Variants in ZMYM3 observed in about 807,000 individuals in gnomAD.
ZMYM3 encodes zinc finger MYM-type containing 3, also known as zinc finger MYM-type protein 3.
In ZMYM3, 6 loss-of-function variants were observed where a neutral mutation model predicts 94.2. The observed-to-expected ratio is 0.06, with a 90% CI of 0.03 to 0.13. The LOEUF is 0.13. Among genes scored for constraint, ZMYM3 ranks in the 10% least tolerant of loss-of-function variants. The pLI is 1.00. For synonymous variants in ZMYM3, 420 were observed against 426.5 expected, an observed-to-expected ratio of 0.98 and a Z score of 0.19; for missense variants, 664 against 1,132.6, an observed-to-expected ratio of 0.59 and a Z score of 5.94.
At chrX:71,254,749 G>A (rs953897484), upstream of ZMYM3, 5 of 111,597 alleles carry the variant, frequency 4.5e-5, no homozygotes, top group Non-Finnish European at 7.5e-5. Flanking sequence ...GGGGTAGTGA[G>A]TGACAGCGGA....
At chrX:71,245,127 T>TAAAAAAA (rs5902685) in intron 18 of ZMYM3, among the ~76,000 whole-genome samples, 304 of 42,016 alleles carry the variant, frequency 7.2e-3, no homozygotes, top group Middle Eastern at 0.021. Flanking sequence ...GCTTAAAAAT[T>TAAAAAAA]AAAAAAAAAA....
chrX:71,247,599 T>G, intron 12 of ZMYM3, 89 bp from the exon 13 acceptor site: 1 of 1,146,016 alleles, frequency 8.7e-7, no homozygotes, highest in East Asian at 3.1e-5. Flanking sequence ...CTCCTCCCCT[T>G]GGAGATCGGG....
At position 71,248,862 on chromosome X, in the gene ZMYM3, A is replaced by C. The variant is rs557815082; in HGVS notation, c.1622-61T>G. On this transcript the variant is annotated intron_variant, in intron 8 of 24. Transcript: ENST00000314425. ...AAAGAGAGAGGGAGAGAGAGAGCAC[A>C]CAGAAGGTGTAAGGCAGTGTAAGAG... 5.4e-6 allele frequency: 6 copies of C among 1,102,015 alleles called. No individual in the cohort carries two copies. In the South Asian group the frequency reaches 1.0e-4, roughly 19 times the overall value. The allele number at this position is 1,102,015 out of a possible 1,213,427, so 90.8% of individuals were successfully genotyped here.
chrX:71,249,098 C>T lies in ZMYM3; in HGVS notation c.1542G>A (p.Val514=). ...LCKNFEMLSH[V]DRNGKTSLFC... is the part of the protein sequence containing the mutation. ...ACAAGCTGGTCTTGCCATTACGATC[C>T]ACATGTGATAGCATCTCAAAGTTCT... The change falls in exon 8 of 25, where the codon GTG becomes GTA. Residue 514 remains valine (V), a synonymous_variant. Coordinates refer to ENST00000314425, the MANE Select transcript of ZMYM3 (RefSeq NM_201599.3). The T allele has an allele frequency of 8.3e-7, 1 of 1,211,772 alleles. No individual in the cohort carries two copies. The highest frequency in any genetic ancestry group is 1.1e-6 in the Non-Finnish European group (1 of 895,518).
At chrX:71,253,443 C>A in intron 1 of ZMYM3, among the ~76,000 whole-genome samples, 169 bp from the exon 2 acceptor site, 1 of 103,818 alleles carries the variant, frequency 9.6e-6, no homozygotes, top group Non-Finnish European at 2.0e-5. Flanking sequence ...GACCACTCCC[C>A]CCAATACAGC....
chrX:71,253,216 T>A lies in ZMYM3; in HGVS notation c.40A>T (p.Thr14Ser). ...CCAGCCAGGGGCTTCTCTGGCAGGG[T>A]CAATGGGTCAAATGGACTGGGGAAA... ...SDFPSPFDPLTLPEKPLAGDL... is the reference protein window; with the variant it reads ...SDFPSPFDPLSLPEKPLAGDL... The change falls in exon 2 of 25, where the codon ACC becomes TCC. Residue 14 changes from threonine (T) to serine (S), a missense_variant. Thr to Ser is a moderately conservative substitution (Grantham distance 58). This residue lies in a region of ZMYM3 where 196 missense variants were observed against 190.8 expected (regional missense o/e 1.03). Coordinates refer to ENST00000314425, the MANE Select transcript of ZMYM3 (RefSeq NM_201599.3). The A allele has an allele frequency of 8.5e-7, 1 of 1,181,998 alleles. No individual in the cohort carries two copies. The highest frequency in any genetic ancestry group is 1.1e-6 in the Non-Finnish European group (1 of 880,997).
rs191671728 is a variant in ZMYM3, at chrX:71,246,549, C to T, written c.2413-37G>A. ...GAGGAACATTTGTGCCACCAACCGCCGTACCCTCCTCTGAGATTATCCTCC... is the reference window on the plus strand; with the variant it reads ...GAGGAACATTTGTGCCACCAACCGCTGTACCCTCCTCTGAGATTATCCTCC... On this transcript the variant is annotated intron_variant, in intron 14 of 24. Coordinates refer to ENST00000314425, the MANE Select transcript of ZMYM3 (RefSeq NM_201599.3). 2,190 of 1,201,369 alleles carry T rather than the reference C, an allele frequency of 1.8e-3. 23 individuals carry two copies. In the African/African-American group the frequency reaches 0.034, roughly 19 times the overall value.
chrX:71,247,322 T>C, intron 13 of ZMYM3, 23 bp downstream of exon 13: 1 of 1,168,840 alleles, frequency 8.6e-7, no homozygotes, highest in East Asian at 3.2e-5. Flanking sequence ...TCTAACAGAG[T>C]GTACCCCCTG....
chrX:71,246,900 T>A (rs956821793), intron 13 of ZMYM3, among the ~76,000 whole-genome samples: 1 of 111,543 alleles, frequency 9.0e-6, no homozygotes, highest in African/African-American at 3.3e-5. Context: ...AATGAAACAT[T>A]ACATTTTCCC....
intron 19 of ZMYM3, 109 bp from the exon 20 acceptor site, chrX:71,244,579 C>T: frequency 1.0e-6 from 1 of 962,245 alleles, no homozygotes; most frequent in Non-Finnish European, 1.4e-6. Context: ...GATGTAAGCA[C>T]ACAGCAAGCT....
In ZMYM3 at chrX:71,249,559, T is replaced by C. The variant is rs1414460480; in HGVS notation, c.1372A>G (p.Ile458Val). 1 of 1,210,294 alleles carries C rather than the reference T, an allele frequency of 8.3e-7. No individual in the cohort carries two copies. The highest frequency in any genetic ancestry group is 1.1e-6 in the Non-Finnish European group (1 of 894,847). ...CCAGGACTCCCGGTCTTGGTGTAGA[T>C]GTAAGCCCCACACTGGTCACAACAG... is the stretch of plus-strand genomic sequence containing the variant. ...TNCCDQCGAYIYTKTGSPGPE... is the reference protein window; with the variant it reads ...TNCCDQCGAYVYTKTGSPGPE... Residue 458 changes from isoleucine (I) to valine (V), a missense_variant, in exon 7 of 25, where the codon ATC becomes GTC. Transcript: ENST00000314425.
At chrX:71,247,945 A>G in intron 11 of ZMYM3, 39 bp from the exon 12 acceptor site, 1 of 1,152,587 alleles carries the variant, frequency 8.7e-7, no homozygotes, top group Non-Finnish European at 1.2e-6. Flanking sequence ...CCAGAGACAC[A>G]GATACCCAAG....
At chrX:71,245,527 C>T (rs1376801784) in intron 17 of ZMYM3, 42 bp from the exon 18 acceptor site, 6 of 1,176,188 alleles carry the variant, frequency 5.1e-6, no homozygotes, top group Admixed American at 2.4e-5. Context: ...CAAGCTCCTG[C>T]TAGCACCCTC....
At position 71,252,982 on chromosome X, in the gene ZMYM3, G is replaced by T; in HGVS notation, c.274C>A (p.Pro92Thr). Residue 92 changes from proline to threonine, a missense_variant, in exon 2 of 25, where the codon CCC (proline) becomes ACC (threonine). By Grantham distance (38) the Pro-to-Thr change is conservative. Coordinates refer to ENST00000314425, the MANE Select transcript of ZMYM3 (RefSeq NM_201599.3). ...TCAGGACCGTGGTCCACCTCCGGGG[G>T]AGAGGGGGCTTTATAGAGCAGCCCC... ...LGGLLYKAPS[P>T]PEVDHGPEGT... 1.7e-6 allele frequency: 2 copies of T among 1,210,757 alleles called. No homozygotes were observed. Among genetic ancestry groups the T allele is most frequent in the Non-Finnish European group, 1.1e-6 (1 of 895,129 alleles).
rs931673236 is a variant in ZMYM3 at position 71,245,429 on chromosome X, G to T, written c.2917C>A (p.Pro973Thr). The change falls in exon 18 of 25, where the codon CCT becomes ACT. Residue 973 changes from proline to threonine, a missense_variant. This residue lies in a region of ZMYM3 where 75 missense variants were observed against 152.5 expected (regional missense o/e 0.49). Coordinates refer to ENST00000314425, the MANE Select transcript of ZMYM3 (RefSeq NM_201599.3). Reference sequence around the variant, plus strand: ...ATGGCCAGGACATCATCTCGAGCAGGCCCAAACAGGTCACAGTCTTCCAGG... The same window carrying T: ...ATGGCCAGGACATCATCTCGAGCAGTCCCAAACAGGTCACAGTCTTCCAGG... ...GLLEDCDLFG[P>T]ARDDVLAMAV... 1 of 1,209,335 alleles carries T rather than the reference G, an allele frequency of 8.3e-7. No homozygotes were observed. The highest frequency in any genetic ancestry group is 2.3e-4 in the Middle Eastern group (1 of 4,356).
Position 71,244,749 on chromosome X carries a change from C to T in ZMYM3, c.3111+41G>A, listed in dbSNP as rs766279034. 4 of 1,097,610 alleles carry T rather than the reference C, an allele frequency of 3.6e-6. No homozygotes were observed. In the Admixed American group the frequency reaches 9.8e-5, roughly 27 times the overall value. The allele number at this position is 1,097,610 out of a possible 1,213,427, so 90.5% of individuals were successfully genotyped here. On this transcript the variant is annotated intron_variant, in intron 19 of 24. Coordinates refer to ENST00000314425, the MANE Select transcript of ZMYM3 (RefSeq NM_201599.3). ...GCTCTCGCATCATCTCCCCTTTGGG[C>T]CTCCATTCTTCTTTTGTACATACAG...
At chrX:71,251,376 G>A (rs1440984063) in intron 3 of ZMYM3, 132 bp from the exon 4 acceptor site, 9 of 917,326 alleles carry the variant, frequency 9.8e-6, no homozygotes, top group Non-Finnish European at 1.2e-5. Flanking sequence ...GCCCTTAGGA[G>A]GAGGGAAGAA....
rs777710732 is a variant in ZMYM3, at chrX:71,240,742, G to T, written c.*174C>A. 34 of 472,591 alleles carry T rather than the reference G, an allele frequency of 7.2e-5. No homozygotes were observed. Among genetic ancestry groups the T allele is most frequent in the African/African-American group, 7.0e-4 (29 of 41,376 alleles). The allele number at this position is 472,591 out of a possible 1,213,427, so 38.9% of individuals were successfully genotyped here. On this transcript the variant is annotated 3_prime_UTR_variant, in exon 25 of 25. Coordinates refer to ENST00000314425, the MANE Select transcript of ZMYM3 (RefSeq NM_201599.3). ...ACCAGGGCCCCATGGTTGTCAAGTG[G>T]TACGGAAGAAGATAAAAGCCAGGGT...
At chrX:71,248,954 G>A in intron 8 of ZMYM3, 65 bp downstream of exon 8, 2 of 1,192,554 alleles carry the variant, frequency 1.7e-6, no homozygotes, top group Non-Finnish European at 2.3e-6. Context: ...TACTCTGGAA[G>A]AGGGGAGTAT....
Sources: gnomAD v4.1 joint callset for allele counts (sites outside exome capture counted in the v4.1 genomes callset) on GRCh38, gnomAD v4.1.1 for gene constraint, gnomAD v4.1.1 regional missense constraint, MANE v1.5 for transcripts, NCBI Gene and HGNC (gene_info 2026-07-23, HGNC 2026-07-21) for gene names.